WDR45B: variants seen among roughly 807,000 people sequenced by gnomAD.
The protein encoded by WDR45B is WD repeat domain 45B.
A neutral mutation model predicts 44.6 loss-of-function variants in WDR45B; 20 were observed. The ratio of observed to expected loss-of-function variants is 0.45; its 90% confidence interval spans 0.32 to 0.65. The LOEUF (loss-of-function observed/expected upper bound fraction) is 0.65, where lower values mean the gene tolerates loss of function less well. WDR45B is among the 30% of genes least tolerant of loss of function. WDR45B has a pLI of 0.05. For synonymous variants in WDR45B, 169 were observed against 164.9 expected (o/e 1.02, Z -0.19); for missense variants, 323 against 430.2 (o/e 0.75, Z 2.20).
At position 82,617,452 on chromosome 17, in the gene WDR45B, G is replaced by C. The variant is rs1468855043; in HGVS notation, c.705-55C>G. The C allele has an allele frequency of 8.3e-6, 13 of 1,563,714 alleles. No homozygotes were observed. In the Admixed American group the frequency reaches 2.1e-4, roughly 25 times the overall value. On this transcript the variant is annotated intron_variant, in intron 7 of 9. Transcript: ENST00000392325. ...TTGTGTGGATGTGGAGGAGTCCAGA[G>C]ACTTAACCCACAGCACTTGTCGACA...
In WDR45B at chr17:82,615,740, C is replaced by T; in HGVS notation, c.*179G>A. The T allele has an allele frequency of 1.6e-6, 1 of 635,886 alleles. No homozygotes were observed. 39.4% of individuals were successfully genotyped at this position (635,886 alleles called of 1,614,324 possible). On this transcript the variant is annotated 3_prime_UTR_variant, in exon 10 of 10. Coordinates refer to ENST00000392325, the MANE Select transcript of WDR45B (RefSeq NM_019613.4). ...TACCTACGGTGCCTTGATGATGATT[C>T]TCTCTTTAATACTGGAAATGGGAGT...
intron 9 of WDR45B, 111 bp from the exon 10 acceptor site, chr17:82,616,136 T>C: frequency 1.0e-6 from 1 of 991,060 alleles, no homozygotes; most frequent in Non-Finnish European, 1.5e-6. Context: ...GCAGCTGCTC[T>C]GAAAGCCCTG....
At position 82,615,806 on chromosome 17, in the gene WDR45B, G is replaced by T; in HGVS notation, c.*113C>A. ...CAACCACGTATGGCTTCGAGACCAA[G>T]GTCCCTGGGCAGCCCCTCCAGCCCG... On this transcript the variant is annotated 3_prime_UTR_variant, in exon 10 of 10. Transcript: ENST00000392325. 3 of 936,644 alleles carry T rather than the reference G, an allele frequency of 3.2e-6. No individual in the cohort carries two copies. The South Asian group carries it at 3.9e-5, about 12-fold the overall frequency. 58.0% of individuals were successfully genotyped at this position (936,644 alleles called of 1,614,324 possible).
At chr17:82,633,534 C>CT (rs1458927686) in intron 2 of WDR45B, among the ~76,000 whole-genome samples, 2 of 152,002 alleles carry the variant, frequency 1.3e-5, no homozygotes, top group Non-Finnish European at 2.9e-5. Context: ...AATTTTTTTT[C>CT]TTTTTTTGAG....
At position 82,644,014 on chromosome 17, in the gene WDR45B, G is replaced by A. The variant is rs1455787887; in HGVS notation, c.77C>T (p.Ala26Val). Residue 26 changes from alanine to valine, a missense_variant, in exon 2 of 10, where the codon GCG (alanine) becomes GTG (valine). Coordinates refer to ENST00000392325, the MANE Select transcript of WDR45B (RefSeq NM_019613.4). Reference sequence around the variant, plus strand: ...TCGGAATCCATTTTCCATCCCACACGCAAAGCATCCTAAAGCAGAAGTGTA... The same window carrying A: ...TCGGAATCCATTTTCCATCCCACACACAAAGCATCCTAAAGCAGAAGTGTA... The part of the protein sequence containing the change: ...AGFNQDHGCF[A>V]CGMENGFRVY... 3.1e-6 allele frequency: 5 copies of A among 1,613,994 alleles called. No homozygotes were observed. Among genetic ancestry groups the A allele is most frequent in the Admixed American group, 1.7e-5 (1 of 59,994 alleles).
At chr17:82,625,652 G>A in intron 4 of WDR45B, 169 bp from the exon 5 acceptor site, 2 of 692,490 alleles carry the variant, frequency 2.9e-6, no homozygotes, top group Admixed American at 4.3e-5. Flanking sequence ...CAGGCCTGGA[G>A]CTCGGCGAGT....
intron 2 of WDR45B, among the ~76,000 whole-genome samples, chr17:82,641,958 A>G (rs2045922366): frequency 1.2e-5 from 1 of 85,010 alleles, no homozygotes; most frequent in South Asian, 5.2e-4. Flanking sequence ...AAAAAAGAGA[A>G]AAAAAAAATC....
intron 6 of WDR45B, 151 bp downstream of exon 6, chr17:82,621,458 G>A: frequency 2.1e-6 from 2 of 937,918 alleles, no homozygotes; most frequent in Non-Finnish European, 3.3e-6. Flanking sequence ...CAACCTGTCT[G>A]ATGACATGAC....
chr17:82,627,642 T>C (rs1427193377), intron 3 of WDR45B, among the ~76,000 whole-genome samples: 7 of 152,358 alleles, frequency 4.6e-5, no homozygotes, highest in African/African-American at 1.7e-4. Flanking sequence ...GCTAAGCGCA[T>C]TCATCTCTCT....
At chr17:82,636,726 G>A (rs1179943301) in intron 2 of WDR45B, 3 of 152,068 alleles carry the variant, frequency 2.0e-5, no homozygotes, top group South Asian at 2.1e-4. Context: ...TCTCGAACTC[G>A]ACTTTCTTGT....
intron 2 of WDR45B, among the ~76,000 whole-genome samples, chr17:82,637,764 T>C (rs1323007308): frequency 6.6e-6 from 1 of 151,966 alleles, no homozygotes. Flanking sequence ...ACACAAAGCT[T>C]CCGTGAAGCT....
chr17:82,621,845 T>A, intron 5 of WDR45B, 46 bp from the exon 6 acceptor site: 1 of 1,605,918 alleles, frequency 6.2e-7, no homozygotes, highest in Non-Finnish European at 8.5e-7. Flanking sequence ...CTTTGATTTC[T>A]CACAGCCAAA....
intron 6 of WDR45B, 110 bp downstream of exon 6, chr17:82,621,499 C>T (rs866498030): frequency 7.7e-6 from 11 of 1,436,440 alleles, no homozygotes; most frequent in Middle Eastern, 2.4e-4. Flanking sequence ...TGAGGGGCTC[C>T]AGGTTGGGGC....
chr17:82,616,480 A>G (rs1450340681), intron 9 of WDR45B, 44 bp downstream of exon 9: 8 of 1,612,204 alleles, frequency 5.0e-6, no homozygotes, highest in Admixed American at 3.3e-5. Context: ...GATGGAGCCC[A>G]GGTGGGGCGG....
Position 82,625,467 on chromosome 17 carries a change from C to A in WDR45B, c.349G>T (p.Asp117Tyr). 5 of 1,614,116 alleles carry A rather than the reference C, an allele frequency of 3.1e-6. No homozygotes were observed. The highest frequency in any genetic ancestry group is 4.2e-6 in the Non-Finnish European group (5 of 1,180,022). Residue 117 changes from aspartate to tyrosine, a missense_variant, in exon 5 of 10, where the codon GAC becomes TAC. Asp to Tyr is a radical substitution (Grantham distance 160). Transcript: ENST00000392325. ...LRRDRIVVVL[D>Y]SMIKVFTFTH... The stretch of plus-strand genomic sequence containing the variant: ...AATGTGAACACCTTAATCATGGAGT[C>A]CAAAACCACCACAATTCTGGAAAGA...
chr17:82,628,559 G>T (rs1039528556), intron 3 of WDR45B, among the ~76,000 whole-genome samples: 1 of 149,400 alleles, frequency 6.7e-6, no homozygotes, highest in Non-Finnish European at 1.5e-5. Flanking sequence ...GCAACATAGT[G>T]AGACTCCCAT....
At chr17:82,633,269 GC>G (rs2045792289) in intron 2 of WDR45B, among the ~76,000 whole-genome samples, 1 of 151,940 alleles carries the variant, frequency 6.6e-6, no homozygotes, top group Non-Finnish European at 1.5e-5. Context: ...CTATGGAACG[GC>G]AGAGCATATT....
chr17:82,639,072 C>T (rs1039167630), intron 2 of WDR45B, among the ~76,000 whole-genome samples: 4 of 151,962 alleles, frequency 2.6e-5, no homozygotes, highest in Admixed American at 6.5e-5. Flanking sequence ...CCACCTGCCT[C>T]GGCCTCCTAA....
At chr17:82,619,450 C>A (rs1468549378) in intron 6 of WDR45B, among the ~76,000 whole-genome samples, 1 of 152,092 alleles carries the variant, frequency 6.6e-6, no homozygotes, top group African/African-American at 2.4e-5. Flanking sequence ...CAGGCCCAGG[C>A]TCCCTGCTCC....
Sources: gnomAD v4.1 joint callset for allele counts (sites outside exome capture counted in the v4.1 genomes callset) on GRCh38, gnomAD v4.1.1 for gene constraint, MANE v1.5 for transcripts, NCBI Gene and HGNC (gene_info 2026-07-23, HGNC 2026-07-21) for gene names.